Variants in NFIB observed in about 807,000 individuals in gnomAD.
The protein encoded by NFIB is nuclear factor I B, also known as nuclear factor 1 B-type.
A neutral mutation model predicts 61.5 loss-of-function variants in NFIB; 11 were observed. The ratio of observed to expected loss-of-function variants is 0.18; its 90% CI spans 0.11 to 0.30. NFIB has a LOEUF of 0.30. Among genes scored for constraint, NFIB ranks in the 10% least tolerant of loss-of-function variants. The pLI is 1.00. For missense variants in NFIB, 471 were observed against 608.9 expected, an observed-to-expected ratio of 0.77 and a Z score of 2.38; for synonymous variants, 260 against 216.5, an observed-to-expected ratio of 1.20 and a Z score of -1.76.
Position 14,309,899 on chromosome 9 carries a change from G to T in NFIB, c.31-2379C>A, listed in dbSNP as rs1429430575. 3.9e-5 allele frequency among the ~76,000 whole-genome samples: 6 copies of T among 152,252 alleles called. No homozygotes were observed. The East Asian group carries it at 1.2e-3, about 29-fold the overall frequency. ...ATGTAAAGAGCACATGAGGTGGAGT[G>T]GGTGGGCTCTGTCTCACTCATTTTA... On this transcript the variant is annotated intron_variant, in intron 1 of 10. Coordinates refer to ENST00000380953, the MANE Select transcript of NFIB (RefSeq NM_001190737.2).
chr9:14,162,534 G>T (rs1454970567), intron 3 of NFIB, among the ~76,000 whole-genome samples: 1 of 151,948 alleles, frequency 6.6e-6, no homozygotes, highest in Non-Finnish European at 1.5e-5. Flanking sequence ...AGCTTTTATG[G>T]AAATTTTTGT....
At chr9:14,391,405 T>C (rs1229900225) in intron 1 of NFIB, among the ~76,000 whole-genome samples, 2 of 149,592 alleles carry the variant, frequency 1.3e-5, no homozygotes, top group Non-Finnish European at 3.0e-5. Context: ...GTTCTTAAAC[T>C]GTCTCTCTAA....
At chr9:14,211,651 T>TG (rs2050318162) in intron 2 of NFIB, among the ~76,000 whole-genome samples, 1 of 152,330 alleles carries the variant, frequency 6.6e-6, no homozygotes, top group Admixed American at 6.5e-5. Flanking sequence ...ACCAGGGCAA[T>TG]GGCCAGAAGT....
intron 2 of NFIB, among the ~76,000 whole-genome samples, chr9:14,201,062 C>T (rs945579182): frequency 1.3e-5 from 2 of 152,186 alleles, no homozygotes; most frequent in Non-Finnish European, 2.9e-5. Context: ...TCCTTTCAAG[C>T]CTATTTCCCC....
intron 2 of NFIB, among the ~76,000 whole-genome samples, chr9:14,246,333 C>G (rs748605865): frequency 1.3e-5 from 2 of 152,136 alleles, no homozygotes; most frequent in East Asian, 1.9e-4. Context: ...CTCTCCACAT[C>G]CCTTTGTCTT....
At chr9:14,501,072 T>C in the NFIB span, among the ~76,000 whole-genome samples, 1 of 152,222 alleles carries the variant, frequency 6.6e-6, no homozygotes. Context: ...CTCATCGCAG[T>C]GGATCTCAAA....
chr9:14,470,312 G>C, the NFIB span, among the ~76,000 whole-genome samples: 1 of 151,988 alleles, frequency 6.6e-6, no homozygotes, highest in African/African-American at 2.4e-5. Context: ...TTCCCTGCTT[G>C]CTCCTGGTTC....
chr9:14,329,639 C>T (rs868496367), intron 1 of NFIB, among the ~76,000 whole-genome samples: 2 of 151,858 alleles, frequency 1.3e-5, no homozygotes, highest in Admixed American at 6.6e-5. Flanking sequence ...CTCAGCCTCC[C>T]GAGCAGCTGA....
chr9:14,447,995 T>C, the NFIB span, among the ~76,000 whole-genome samples: 3 of 152,198 alleles, frequency 2.0e-5, no homozygotes, highest in Admixed American at 2.0e-4. Flanking sequence ...CTTTAGCCTA[T>C]ACTGATCTGG....
chr9:14,159,370 G>C (rs1202582874), intron 3 of NFIB, among the ~76,000 whole-genome samples: 1 of 152,144 alleles, frequency 6.6e-6, no homozygotes, highest in African/African-American at 2.4e-5. Flanking sequence ...GGAACCTACT[G>C]GATAAAATGC....
intron 1 of NFIB, among the ~76,000 whole-genome samples, chr9:14,365,938 C>G (rs2061294911): frequency 6.6e-6 from 1 of 152,248 alleles, no homozygotes; most frequent in Non-Finnish European, 1.5e-5. Flanking sequence ...GCCTGAGAGC[C>G]AGATGTGGGC....
At chr9:14,261,024 G>A (rs183683022) in intron 2 of NFIB, among the ~76,000 whole-genome samples, 1 of 152,262 alleles carries the variant, frequency 6.6e-6, no homozygotes, top group East Asian at 1.9e-4. Context: ...CAGCATTTAA[G>A]ACTGAAAAGG....
chr9:14,173,162 T>C (rs1274595437), intron 3 of NFIB, among the ~76,000 whole-genome samples: 1 of 152,236 alleles, frequency 6.6e-6, no homozygotes, highest in African/African-American at 2.4e-5. Flanking sequence ...ATCAAGCACC[T>C]GCTATCTGTC....
At chr9:14,321,447 C>T (rs1415772440) in intron 1 of NFIB, among the ~76,000 whole-genome samples, 3 of 152,134 alleles carry the variant, frequency 2.0e-5, no homozygotes, top group Admixed American at 6.5e-5. Flanking sequence ...CATTCCAACA[C>T]ACCAATCAGA....
intron 2 of NFIB, among the ~76,000 whole-genome samples, chr9:14,276,382 A>G (rs892766963): frequency 1.1e-4 from 17 of 152,212 alleles, no homozygotes; most frequent in African/African-American, 4.1e-4. Flanking sequence ...TACAAGTATG[A>G]GGTATAACTT....
intron 2 of NFIB, among the ~76,000 whole-genome samples, chr9:14,246,931 G>C (rs970527904): frequency 1.3e-5 from 2 of 152,128 alleles, no homozygotes; most frequent in Admixed American, 6.5e-5. Context: ...AACGGGTTTA[G>C]TATCCCTACA....
At chr9:14,488,179 C>A in the NFIB span, among the ~76,000 whole-genome samples, 1 of 151,940 alleles carries the variant, frequency 6.6e-6, no homozygotes, top group Admixed American at 6.6e-5. Context: ...AATTGGGCAA[C>A]ATAATGAGAC....
chr9:14,506,407 C>G, the NFIB span, among the ~76,000 whole-genome samples: 1 of 152,186 alleles, frequency 6.6e-6, no homozygotes, highest in Admixed American at 6.5e-5. Flanking sequence ...AACCCCTTGT[C>G]TCTAGAAGAA....
intron 6 of NFIB, among the ~76,000 whole-genome samples, chr9:14,130,416 G>A (rs1430574407): frequency 1.3e-5 from 2 of 152,050 alleles, no homozygotes; most frequent in Non-Finnish European, 2.9e-5. Context: ...CTTATTCCAC[G>A]CATAGAACAA....
Sources: gnomAD v4.1 joint callset for allele counts (sites outside exome capture counted in the v4.1 genomes callset) on GRCh38, gnomAD v4.1.1 for gene constraint, MANE v1.5 for transcripts, NCBI Gene and HGNC (gene_info 2026-07-23, HGNC 2026-07-21) for gene names.